PPP2R2B: variants seen among roughly 807,000 people sequenced by gnomAD.
PPP2R2B encodes serine/threonine-protein phosphatase 2A 55 kDa regulatory subunit B beta isoform.
A neutral mutation model predicts 46.0 loss-of-function variants in PPP2R2B; 5 were observed. That is an observed-to-expected ratio of 0.11 (90% confidence interval 0.06 to 0.23). PPP2R2B has a LOEUF of 0.23. PPP2R2B is among the 10% of genes least tolerant of loss of function. PPP2R2B has a pLI of 1.00. For synonymous variants in PPP2R2B, 215 were observed against 206.7 expected (o/e 1.04, Z -0.34); for missense variants, 367 against 575.0 (o/e 0.64, Z 3.70).
chr5:146,744,556 A>G lies in PPP2R2B; in HGVS notation c.71-43414T>C, dbSNP rs146236631. Among the ~76,000 whole-genome samples, 19 of 152,210 alleles carry G rather than the reference A, an allele frequency of 1.2e-4. No individual in the cohort carries two copies. The East Asian group carries it at 3.3e-3, about 26-fold the overall frequency. On this transcript the variant is annotated intron_variant, in intron 2 of 9. Coordinates refer to ENST00000394411, the MANE Select transcript of PPP2R2B (RefSeq NM_181675.4). ...GTGAGAAATGTGAAATTCCACTCCT[A>G]CCCTCACATGTGTCACCAGGGAACC...
At chr5:146,647,454 C>T (rs190272795) in intron 6 of PPP2R2B, among the ~76,000 whole-genome samples, 181 of 152,252 alleles carry the variant, frequency 1.2e-3, no homozygotes, top group African/African-American at 3.7e-3. Context: ...GTGCTTAGGG[C>T]GGTCTGGTTG....
chr5:146,603,634 A>G (rs1771988726), intron 7 of PPP2R2B, among the ~76,000 whole-genome samples: 1 of 152,236 alleles, frequency 6.6e-6, no homozygotes, highest in Non-Finnish European at 1.5e-5. Flanking sequence ...AAGTTTTAAT[A>G]GCAGCTCCAG....
Position 146,985,017 on chromosome 5 carries a change from CTTT to C in PPP2R2B, c.79+70645_79+70647del, listed in dbSNP as rs34277498. On this transcript the variant is annotated intron_variant, in intron 1 of 8. Transcript: ENST00000336640. Reference sequence around the variant, plus strand: ...TATAGTTTGCAAATATTTTCTTTTTCTTTTTTTTTTTTTTTTTTTTTGAGACGG... The same window carrying C: ...TATAGTTTGCAAATATTTTCTTTTTCTTTTTTTTTTTTTTTTTTGAGACGG... Among the ~76,000 whole-genome samples the C allele has an allele frequency of 0.011, 1,094 of 99,496 alleles. 22 individuals are homozygous for C. The East Asian group carries it at 0.17, about 16-fold the overall frequency. The allele number at this position is 99,496 out of a possible 152,430, so 65.3% of individuals were successfully genotyped here. A position where few individuals can be genotyped will look rare whatever the true frequency, so the allele number is the denominator to read the frequency against.
At chr5:147,075,233 C>T (rs914127299) in intron 2 of PPP2R2B, among the ~76,000 whole-genome samples, 1 of 152,064 alleles carries the variant, frequency 6.6e-6, no homozygotes, top group African/African-American at 2.4e-5. Flanking sequence ...AATATGCCTG[C>T]TAAGCAAATC....
chr5:146,916,884 C>T lies in PPP2R2B; in HGVS notation c.79+138781G>A, dbSNP rs369241841. On this transcript the variant is annotated intron_variant, in intron 1 of 8. Coordinates refer to the PPP2R2B transcript ENST00000336640. ...CTGATATAGCTCTGCCTCTTAATAG[C>T]TGTGTAACTTTTGATAAGTTACTTA... 2.4e-4 allele frequency among the ~76,000 whole-genome samples: 37 copies of T among 152,250 alleles called. No homozygotes were observed. The East Asian group carries it at 3.5e-3, about 14-fold the overall frequency.
intron 2 of PPP2R2B, among the ~76,000 whole-genome samples, chr5:147,076,460 C>G (rs1289800781): frequency 6.6e-6 from 1 of 152,054 alleles, no homozygotes; most frequent in African/African-American, 2.4e-5. Flanking sequence ...CAGTGCTGAT[C>G]TGTGGGTTGT....
chr5:146,689,503 C>T (rs1317738195), intron 5 of PPP2R2B, among the ~76,000 whole-genome samples: 1 of 152,162 alleles, frequency 6.6e-6, no homozygotes, highest in Non-Finnish European at 1.5e-5. Context: ...GCAATGTAGT[C>T]TAGGTATATA....
intron 2 of PPP2R2B, among the ~76,000 whole-genome samples, chr5:147,077,324 C>T (rs954361861): frequency 1.3e-5 from 2 of 149,330 alleles, no homozygotes; most frequent in Non-Finnish European, 3.0e-5. Flanking sequence ...ACACCCACAC[C>T]CCTAGCCCTT....
At chr5:146,908,370 G>T (rs1763068569) in intron 1 of PPP2R2B, among the ~76,000 whole-genome samples, 1 of 151,908 alleles carries the variant, frequency 6.6e-6, no homozygotes, top group African/African-American at 2.4e-5. Flanking sequence ...TACTCAACAG[G>T]CACACATATT....
At chr5:146,899,893 G>A (rs1762769357) in intron 1 of PPP2R2B, among the ~76,000 whole-genome samples, 1 of 152,126 alleles carries the variant, frequency 6.6e-6, no homozygotes, top group Non-Finnish European at 1.5e-5. Context: ...TGAACACTAA[G>A]GATACAAAGA....
chr5:146,673,029 C>T (rs1433198781), intron 5 of PPP2R2B, among the ~76,000 whole-genome samples: 2 of 152,186 alleles, frequency 1.3e-5, no homozygotes, highest in Non-Finnish European at 2.9e-5. Context: ...ACATATATGG[C>T]ACTTGCAAAT....
chr5:146,684,460 C>T (rs1581868611), intron 5 of PPP2R2B, among the ~76,000 whole-genome samples: 1 of 152,210 alleles, frequency 6.6e-6, no homozygotes, highest in Admixed American at 6.5e-5. Context: ...GTGCTTCATT[C>T]CCAGTTCTGC....
rs563361300 is a variant in PPP2R2B at position 146,761,279 on chromosome 5, G to A, written c.71-60137C>T. ...GGAACCAACCCAAATGTCCAACAAC[G>A]ATAGACTGGATTAAGAAAATGTGGC... On this transcript the variant is annotated intron_variant, in intron 2 of 9. Transcript: ENST00000394411. Among the ~76,000 whole-genome samples, 37 of 152,264 alleles carry A rather than the reference G, an allele frequency of 2.4e-4. No individual in the cohort carries two copies. In the South Asian group the frequency reaches 5.0e-3, roughly 20 times the overall value.
intron 1 of PPP2R2B, among the ~76,000 whole-genome samples, chr5:146,895,124 A>T (rs543801691): frequency 1.3e-5 from 2 of 152,316 alleles, no homozygotes; most frequent in Non-Finnish European, 2.9e-5. Context: ...ATGTCAAAAT[A>T]CATTGTCCTC....
At chr5:146,899,863 A>G (rs1042196698) in intron 1 of PPP2R2B, among the ~76,000 whole-genome samples, 3 of 152,216 alleles carry the variant, frequency 2.0e-5, no homozygotes, top group African/African-American at 7.2e-5. Context: ...TTTAAAAGAT[A>G]TATAACTACA....
intron 2 of PPP2R2B, among the ~76,000 whole-genome samples, chr5:146,860,156 T>C (rs902307772): frequency 2.6e-5 from 4 of 152,230 alleles, no homozygotes; most frequent in Non-Finnish European, 5.9e-5. Context: ...CTTTTCCTTT[T>C]ATAGCTCTCA....
chr5:146,893,673 A>C (rs541949439), intron 1 of PPP2R2B, among the ~76,000 whole-genome samples: 1 of 152,120 alleles, frequency 6.6e-6, no homozygotes, highest in East Asian at 1.9e-4. Context: ...ATGAGAACAC[A>C]TGGACACAGG....
intron 7 of PPP2R2B, among the ~76,000 whole-genome samples, chr5:146,632,478 T>C (rs1419304935): frequency 1.3e-5 from 2 of 152,192 alleles, no homozygotes; most frequent in Non-Finnish European, 2.9e-5. Context: ...TTTTCCTATC[T>C]GCCTGCCTTT....
intron 9 of PPP2R2B, among the ~76,000 whole-genome samples, chr5:146,591,079 G>C (rs933935506): frequency 4.6e-5 from 7 of 152,112 alleles, no homozygotes; most frequent in Admixed American, 3.3e-4. Flanking sequence ...ACAAGCTGAG[G>C]TGGGGAGGGA....
Sources: gnomAD v4.1 joint callset for allele counts (sites outside exome capture counted in the v4.1 genomes callset) on GRCh38, gnomAD v4.1.1 for gene constraint, MANE v1.5 for transcripts, NCBI Gene and HGNC (gene_info 2026-07-23, HGNC 2026-07-21) for gene names.